Variants in TTLL6 observed in about 807,000 individuals in gnomAD.
TTLL6 encodes the protein tubulin tyrosine ligase like 6, also known as tubulin polyglutamylase TTLL6.
In TTLL6, 75 loss-of-function variants were observed where a neutral mutation model predicts 96.4. That is an observed-to-expected ratio of 0.78 (90% CI 0.65 to 0.94). The LOEUF is 0.94. Ranked by LOEUF, TTLL6 falls within the 40% of genes least tolerant of loss-of-function variation. TTLL6 has a pLI of 0.00. For synonymous variants in TTLL6, 411 were observed against 419.4 expected, an observed-to-expected ratio of 0.98 and a Z score of 0.24; for missense variants, 1,030 against 1,093.0, an observed-to-expected ratio of 0.94 and a Z score of 0.81.
intron 10 of TTLL6, among the ~76,000 whole-genome samples, chr17:48,789,097 G>A (rs1170431273): frequency 6.9e-6 from 1 of 144,462 alleles, no homozygotes; most frequent in Non-Finnish European, 1.5e-5. Context: ...GAGAAGGACA[G>A]ACACATCTTT....
At chr17:48,806,269 T>C (rs1203354001) in intron 1 of TTLL6, 1 of 151,152 alleles carries the variant, frequency 6.6e-6, no homozygotes, top group Non-Finnish European at 1.5e-5. Context: ...CGAGACTCCA[T>C]CTCAAAAAAA....
chr17:48,797,576 C>T lies in TTLL6; in HGVS notation c.769-372G>A, dbSNP rs567166197. Among the ~76,000 whole-genome samples, 6 of 152,226 alleles carry T rather than the reference C, an allele frequency of 3.9e-5. No homozygotes were observed. The South Asian group carries it at 1.0e-3, about 26-fold the overall frequency. On this transcript the variant is annotated intron_variant, in intron 6 of 15. Coordinates refer to ENST00000393382, the MANE Select transcript of TTLL6 (RefSeq NM_001130918.3). ...CTGAGGCGGATGGATGATCTGAGGTCAGGAGTTCGAGACCAGCCTGGCCAA... is the reference window on the plus strand; with the variant it reads ...CTGAGGCGGATGGATGATCTGAGGTTAGGAGTTCGAGACCAGCCTGGCCAA...
In TTLL6 at chr17:48,804,768, T is replaced by G; in HGVS notation, c.323+4A>C. 1 of 1,551,974 alleles carries G rather than the reference T, an allele frequency of 6.4e-7. No homozygotes were observed. The highest frequency in any genetic ancestry group is 8.7e-7 in the Non-Finnish European group (1 of 1,146,958). The stretch of plus-strand genomic sequence containing the variant: ...CTCCCCATTCCCCAGCTTTCAATCC[T>G]AACCTCTTTTTCTTCCTCTTCTTCT... On this transcript the variant is annotated splice_donor_region_variant and intron_variant, in intron 2 of 15. Transcript: ENST00000393382.
At chr17:48,805,138 T>G (rs2039488117) in intron 1 of TTLL6, 147 bp from the exon 2 acceptor site, 3 of 665,426 alleles carry the variant, frequency 4.5e-6, no homozygotes, top group Non-Finnish European at 7.7e-6. Flanking sequence ...CGCGGTTTGA[T>G]GCAAGCTCAG....
At chr17:48,771,440 G>C (rs940057661) in intron 13 of TTLL6, among the ~76,000 whole-genome samples, 1 of 151,922 alleles carries the variant, frequency 6.6e-6, no homozygotes, top group African/African-American at 2.4e-5. Flanking sequence ...ACCAGCCTGA[G>C]CAACACAGCA....
chr17:48,786,059 C>A (rs536645269), intron 12 of TTLL6, 105 bp downstream of exon 12: 6 of 1,521,386 alleles, frequency 3.9e-6, no homozygotes, highest in East Asian at 2.3e-5. Flanking sequence ...CACAGCCTTT[C>A]GGTGTGTCTG....
chr17:48,771,538 A>C (rs1032077674), intron 13 of TTLL6, among the ~76,000 whole-genome samples: 14 of 152,008 alleles, frequency 9.2e-5, no homozygotes, highest in Non-Finnish European at 2.1e-4. Context: ...AGGCTGAGGC[A>C]AGAGGATCAC....
At chr17:48,805,204 C>G (rs921900505) in intron 1 of TTLL6, among the ~76,000 whole-genome samples, 1 of 152,224 alleles carries the variant, frequency 6.6e-6, no homozygotes, top group African/African-American at 2.4e-5. Context: ...ACTCACTCAG[C>G]CAACGCTAGC....
rs1310369180 is a variant in TTLL6 at position 48,794,468 on chromosome 17, AGAT to A, written c.998+1590_998+1592del. 13 of 1,174,830 alleles carry A rather than the reference AGAT, an allele frequency of 1.1e-5. No individual in the cohort carries two copies. In the East Asian group the frequency reaches 1.9e-4, roughly 17 times the overall value. 72.8% of individuals were successfully genotyped at this position (1,174,830 alleles called of 1,614,324 possible). ...CAGACCAAGAAGTGCAGGCTCAGAG[AGAT>A]GAAGTAACTTGTCCAAGCCTAGTTG... On this transcript the variant is annotated intron_variant, in intron 8 of 15. Coordinates refer to ENST00000393382, the MANE Select transcript of TTLL6 (RefSeq NM_001130918.3).
At position 48,804,956 on chromosome 17, in the gene TTLL6, T is replaced by C. The variant is rs2039484536; in HGVS notation, c.139A>G (p.Arg47Gly). The C allele has an allele frequency of 1.3e-6, 2 of 1,551,622 alleles. No homozygotes were observed. Among genetic ancestry groups the C allele is most frequent in the Non-Finnish European group, 1.7e-6 (2 of 1,146,988 alleles). Residue 47 changes from arginine to glycine, a missense_variant, in exon 2 of 16, where the codon AGG (arginine) becomes GGG (glycine). By Grantham distance (125) the Arg-to-Gly change is moderately radical. Transcript: ENST00000393382. ...AAAGTCGGGCACTGTGGCATCTCCC[T>C]GGCCTGGGAGGAGGCTCTGGGGAAA... Reference protein sequence around the residue: ...WYFPRASSQAREMPQCPTLES... With the variant: ...WYFPRASSQAGEMPQCPTLES...
At chr17:48,764,475 G>T (rs1222534588) in intron 15 of TTLL6, among the ~76,000 whole-genome samples, 2 of 152,118 alleles carry the variant, frequency 1.3e-5, no homozygotes, top group East Asian at 3.9e-4. Flanking sequence ...AATAACGTCT[G>T]CCTTGCCAAC....
In TTLL6 at chr17:48,801,319, G is replaced by A. The variant is rs561165321; in HGVS notation, c.547C>T (p.Arg183Cys). 84 of 1,551,594 alleles carry A rather than the reference G, an allele frequency of 5.4e-5. No individual in the cohort carries two copies. In the South Asian group the frequency reaches 6.3e-4, roughly 12 times the overall value. ...TCTTTAGGGAACATCTTTAACATGC[G>A]GCTCATGTTCCTGGCCAGCAAGTCC... Reference protein sequence around the residue: ...RKDLLARNMSRMLKMFPKDFR... With the variant: ...RKDLLARNMSCMLKMFPKDFR... Residue 183 changes from arginine (R) to cysteine (C), a missense_variant, in exon 5 of 16, where the codon CGC (arginine) becomes TGC (cysteine). By Grantham distance (180) the Arg-to-Cys change is radical. Transcript: ENST00000393382.
chr17:48,809,051 C>G (rs185094214), intron 1 of TTLL6, among the ~76,000 whole-genome samples: 1 of 152,110 alleles, frequency 6.6e-6, no homozygotes, highest in Non-Finnish European at 1.5e-5. Flanking sequence ...GTTCTCTGGG[C>G]TTTTCAAAGA....
rs61739953 is a variant in TTLL6, at chr17:48,799,701, G to A, written c.671C>T (p.Pro224Leu). 0.045 allele frequency: 69,267 copies of A among 1,551,570 alleles called. 2,147 individuals are homozygous for A. The highest frequency in any genetic ancestry group is 0.14 in the South Asian group (11,555 of 84,040). The change falls in exon 6 of 16, where the codon CCG becomes CTG. Residue 224 changes from proline (P) to leucine (L), a missense_variant. By Grantham distance (98) the Pro-to-Leu change is moderately conservative. Transcript: ENST00000393382. Reference sequence around the variant, plus strand: ...ACCTTTCCCTTGGCAGCCCGAATCCGGCTTACAAATGTATGTCTTATTTTT... The same window carrying A: ...ACCTTTCCCTTGGCAGCCCGAATCCAGCTTACAAATGTATGTCTTATTTTT... ...SRKNKTYICK[P>L]DSGCQGKGIF...
chr17:48,780,472 T>G (rs1459386426), intron 13 of TTLL6, among the ~76,000 whole-genome samples: 1 of 152,206 alleles, frequency 6.6e-6, no homozygotes, highest in African/African-American at 2.4e-5. Context: ...CCCCAAAGCA[T>G]AATCTCTATT....
chr17:48,801,466 T>G, intron 4 of TTLL6, 59 bp downstream of exon 4: 1 of 1,550,914 alleles, frequency 6.4e-7, no homozygotes, highest in African/African-American at 1.4e-5. Context: ...GGTGTAAAAA[T>G]GGGGCCCCGC....
chr17:48,795,923 G>A lies in TTLL6; in HGVS notation c.998+138C>T, dbSNP rs923098608. The A allele has an allele frequency of 4.1e-5, 26 of 637,850 alleles. No homozygotes were observed. The Admixed American group carries it at 4.4e-4, about 11-fold the overall frequency. The allele number at this position is 637,850 out of a possible 1,614,324, so 39.5% of individuals were successfully genotyped here. A position where few individuals can be genotyped will look rare whatever the true frequency, so the allele number is the denominator to read the frequency against. ...GATGAAGGAATTTGTTCTGGGTTGC[G>A]AGGCAAAGGAGTATATTCTCAGACC... On this transcript the variant is annotated intron_variant, in intron 8 of 15. Coordinates refer to ENST00000393382, the MANE Select transcript of TTLL6 (RefSeq NM_001130918.3).
intron 1 of TTLL6, among the ~76,000 whole-genome samples, chr17:48,807,467 G>A (rs2039521107): frequency 6.6e-6 from 1 of 152,026 alleles, no homozygotes; most frequent in African/African-American, 2.4e-5. Context: ...CCACTTAGTA[G>A]ATTATAAACA....
chr17:48,776,194 C>T (rs2038866361), intron 13 of TTLL6, among the ~76,000 whole-genome samples: 1 of 152,170 alleles, frequency 6.6e-6, no homozygotes, highest in African/African-American at 2.4e-5. Context: ...AGGCTGGGCG[C>T]AGTAGCTCAT....
Sources: allele counts gnomAD v4.1 joint callset (sites outside exome capture counted in the v4.1 genomes callset), GRCh38; gene constraint gnomAD v4.1.1; transcripts MANE v1.5; gene names NCBI Gene and HGNC (gene_info 2026-07-23, HGNC 2026-07-21).